Variants in ESRRG observed in about 807,000 individuals in gnomAD.
ESRRG encodes estrogen-related receptor gamma.
In ESRRG, 13 loss-of-function variants were observed where a neutral mutation model predicts 44.0. The observed-to-expected ratio is 0.30, with a 90% CI of 0.19 to 0.47. The LOEUF is 0.47. ESRRG is among the 20% of genes least tolerant of loss of function. The pLI, the probability that ESRRG is intolerant of heterozygous loss-of-function variation, is 1.00. For missense variants in ESRRG, 395 were observed against 580.6 expected (o/e 0.68, Z 3.29); for synonymous variants, 215 against 214.6 (o/e 1.00, Z -0.02).
intron 2 of ESRRG, among the ~76,000 whole-genome samples, chr1:216,932,748 G>C (rs796406289): frequency 3.6e-4 from 31 of 86,564 alleles, no homozygotes; most frequent in African/African-American, 1.4e-3. Context: ...TTTTTTTTTG[G>C]TAGAGAAAAG....
chr1:216,812,963 A>C (rs761227139), intron 2 of ESRRG, among the ~76,000 whole-genome samples: 5 of 152,310 alleles, frequency 3.3e-5, no homozygotes, highest in Non-Finnish European at 7.3e-5. Context: ...CTCCATAACA[A>C]GTATTGGAAT....
chr1:217,012,905 T>G (rs2078838174), intron 1 of ESRRG, among the ~76,000 whole-genome samples: 1 of 152,206 alleles, frequency 6.6e-6, no homozygotes. Context: ...ACTCAGAAGT[T>G]CAAAATCAAG....
chr1:216,835,458 T>A (rs2148804226), intron 2 of ESRRG, among the ~76,000 whole-genome samples: 1 of 152,356 alleles, frequency 6.6e-6, no homozygotes, highest in East Asian at 1.9e-4. Context: ...ACACGGCTGC[T>A]GGTATTGGCC....
At chr1:217,010,642 A>G (rs2078426707) in intron 1 of ESRRG, among the ~76,000 whole-genome samples, 1 of 152,226 alleles carries the variant, frequency 6.6e-6, no homozygotes, top group South Asian at 2.1e-4. Flanking sequence ...GTCAGAGGTT[A>G]TCTTTTCATT....
chr1:216,694,818 C>G (rs1323631920), intron 1 of ESRRG, among the ~76,000 whole-genome samples: 1 of 152,134 alleles, frequency 6.6e-6, no homozygotes. Flanking sequence ...CGGTCTCTCC[C>G]AAAGTGTTGG....
intron 2 of ESRRG, among the ~76,000 whole-genome samples, chr1:216,754,079 C>G (rs1050138910): frequency 5.9e-5 from 9 of 151,924 alleles, no homozygotes; most frequent in African/African-American, 2.2e-4. Flanking sequence ...TTTTTCTTCC[C>G]AAAACATAAG....
intron 3 of ESRRG, among the ~76,000 whole-genome samples, chr1:216,607,183 T>C (rs2060044428): frequency 1.3e-5 from 2 of 152,038 alleles, no homozygotes; most frequent in African/African-American, 2.4e-5. Flanking sequence ...CCTGAGAGGG[T>C]TAAAGACAGT....
chr1:216,520,583 T>G (rs2045786909), intron 5 of ESRRG, among the ~76,000 whole-genome samples: 1 of 152,144 alleles, frequency 6.6e-6, no homozygotes, highest in South Asian at 2.1e-4. Flanking sequence ...TACCTGATGA[T>G]CAGAAGCTTT....
At chr1:216,826,781 G>A (rs918778883) in intron 2 of ESRRG, among the ~76,000 whole-genome samples, 25 of 152,126 alleles carry the variant, frequency 1.6e-4, no homozygotes, top group African/African-American at 5.1e-4. Context: ...CTAGAATGAC[G>A]TTAGTATTAC....
At chr1:217,113,048 C>T (rs946835238) in intron 1 of ESRRG, among the ~76,000 whole-genome samples, 3 of 152,092 alleles carry the variant, frequency 2.0e-5, no homozygotes, top group Non-Finnish European at 2.9e-5. Flanking sequence ...TTAAGAGAAT[C>T]GTATTGATAG....
chr1:216,716,930 C>G (rs1194443161), intron 1 of ESRRG, among the ~76,000 whole-genome samples: 1 of 151,790 alleles, frequency 6.6e-6, no homozygotes, highest in East Asian at 1.9e-4. Flanking sequence ...CTTTAACTGA[C>G]CAGAAGGAAG....
intron 1 of ESRRG, among the ~76,000 whole-genome samples, chr1:216,972,656 A>G (rs2071935162): frequency 6.6e-6 from 1 of 152,192 alleles, no homozygotes; most frequent in South Asian, 2.1e-4. Flanking sequence ...TATGACATCA[A>G]TTCTGTAGAA....
At chr1:216,775,057 T>C (rs1054040724) in intron 2 of ESRRG, among the ~76,000 whole-genome samples, 1 of 151,892 alleles carries the variant, frequency 6.6e-6, no homozygotes, top group South Asian at 2.1e-4. Flanking sequence ...AATCCTCCCA[T>C]CTCGGCCACC....
At chr1:216,739,928 C>T (rs1313065064) in intron 2 of ESRRG, among the ~76,000 whole-genome samples, 1 of 152,130 alleles carries the variant, frequency 6.6e-6, no homozygotes, top group Non-Finnish European at 1.5e-5. Flanking sequence ...TGCCAGACTC[C>T]TTCATTCCTC....
chr1:216,786,566 T>C (rs1296921954), intron 2 of ESRRG, among the ~76,000 whole-genome samples: 1 of 152,040 alleles, frequency 6.6e-6, no homozygotes, highest in South Asian at 2.1e-4. Flanking sequence ...CTACATAAGA[T>C]AATATAGAAA....
chr1:216,911,290 T>C (rs2060270196), intron 2 of ESRRG, among the ~76,000 whole-genome samples: 1 of 152,126 alleles, frequency 6.6e-6, no homozygotes, highest in Admixed American at 6.5e-5. Context: ...TGTTATTCAG[T>C]GCTAAAAAGA....
At chr1:216,938,869 T>G (rs1333977183) in intron 2 of ESRRG, among the ~76,000 whole-genome samples, 1 of 152,210 alleles carries the variant, frequency 6.6e-6, no homozygotes, top group Non-Finnish European at 1.5e-5. Flanking sequence ...AATCTTTACA[T>G]GCTATGATCC....
At chr1:216,577,571 T>C (rs929948108) in intron 3 of ESRRG, among the ~76,000 whole-genome samples, 20 of 151,994 alleles carry the variant, frequency 1.3e-4, no homozygotes, top group African/African-American at 4.6e-4. Flanking sequence ...GGGGATGCTC[T>C]GTATAAACAG....
intron 5 of ESRRG, among the ~76,000 whole-genome samples, chr1:216,530,109 C>CAAAAAAAAAAA (rs34108833): frequency 1.6e-5 from 1 of 62,786 alleles, no homozygotes; most frequent in African/African-American, 6.5e-5. Context: ...GAGACTCCAT[C>CAAAAAAAAAAA]AAAAAAAAAA....
Sources: gnomAD v4.1 joint callset for allele counts (sites outside exome capture counted in the v4.1 genomes callset) on GRCh38, gnomAD v4.1.1 for gene constraint, MANE v1.5 for transcripts, NCBI Gene and HGNC (gene_info 2026-07-23, HGNC 2026-07-21) for gene names.